Variants in MAPK6 observed in about 807,000 individuals in gnomAD.
The protein encoded by MAPK6 is mitogen-activated protein kinase 6.
Under a neutral mutation model 59.3 loss-of-function variants are expected in MAPK6, and 19 were observed. The observed-to-expected ratio is 0.32, with a 90% CI of 0.22 to 0.47. The LOEUF (loss-of-function observed/expected upper bound fraction) is 0.47. Among genes scored for constraint, MAPK6 ranks in the 20% least tolerant of loss-of-function variants. MAPK6 has a pLI of 1.00. For synonymous variants in MAPK6, 316 were observed against 290.3 expected (o/e 1.09, Z -0.90); for missense variants, 724 against 847.9 (o/e 0.85, Z 1.81).
intron 3 of MAPK6, among the ~76,000 whole-genome samples, chr15:52,054,158 A>G (rs1462822680): frequency 6.6e-6 from 1 of 151,708 alleles, no homozygotes; most frequent in Non-Finnish European, 1.5e-5. Flanking sequence ...ACCTGAGATC[A>G]GGAGTTTGAG....
rs1196985522 is a variant in MAPK6, at chr15:52,053,342, C to G, written c.700+3205C>G. ...CTGCCCGCCTTGGCCTCCCAAAGTG[C>G]AAGGATTACAGGTGGGAGCCATTGC... On this transcript the variant is annotated intron_variant, in intron 3 of 5. Transcript: ENST00000261845. 7.2e-5 allele frequency among the ~76,000 whole-genome samples: 11 copies of G among 152,084 alleles called. 1 individual carries two copies. The highest frequency in any genetic ancestry group is 7.2e-4 in the Admixed American group (11 of 15,264).
At chr15:52,025,361 C>G (rs1275328440) in intron 1 of MAPK6, among the ~76,000 whole-genome samples, 1 of 152,228 alleles carries the variant, frequency 6.6e-6, no homozygotes, top group Non-Finnish European at 1.5e-5. Flanking sequence ...AATTTGGAAG[C>G]TAATCACTGC....
chr15:52,010,438 C>G (rs757030294), intron 3 of MAPK6, among the ~76,000 whole-genome samples: 9 of 151,124 alleles, frequency 6.0e-5, no homozygotes, highest in Non-Finnish European at 1.3e-4. Context: ...TGGTCTTGAA[C>G]GCCTGACCTC....
intron 3 of MAPK6, among the ~76,000 whole-genome samples, chr15:52,051,831 G>A (rs976544569): frequency 3.3e-5 from 5 of 149,356 alleles, no homozygotes; most frequent in African/African-American, 9.9e-5. Flanking sequence ...CTGGGATCGC[G>A]CCATTGCACT....
At chr15:52,034,274 C>T (rs1472366251) in intron 1 of MAPK6, among the ~76,000 whole-genome samples, 1 of 151,810 alleles carries the variant, frequency 6.6e-6, no homozygotes, top group African/African-American at 2.4e-5. Flanking sequence ...CGTGAGCCAC[C>T]ATGCCCGGAC....
intron 1 of MAPK6, among the ~76,000 whole-genome samples, chr15:51,981,145 G>A (rs775610821): frequency 7.3e-5 from 11 of 151,560 alleles, no homozygotes; most frequent in Non-Finnish European, 1.3e-4. Flanking sequence ...GCAAATATAA[G>A]CTTGGAAAAG....
At chr15:51,986,734 G>A (rs144944592) in intron 2 of MAPK6, among the ~76,000 whole-genome samples, 9 of 152,198 alleles carry the variant, frequency 5.9e-5, no homozygotes, top group South Asian at 4.1e-4. Flanking sequence ...GTGAAAGAGC[G>A]AATTCTGTTT....
chr15:52,049,580 G>A (rs568563028), intron 2 of MAPK6, among the ~76,000 whole-genome samples: 44 of 150,524 alleles, frequency 2.9e-4, no homozygotes, highest in Non-Finnish European at 4.4e-4. Context: ...CACCTACCTC[G>A]GCCTCCCAAA....
chr15:52,037,355 A>G (rs2031276899), intron 1 of MAPK6, among the ~76,000 whole-genome samples: 1 of 152,176 alleles, frequency 6.6e-6, no homozygotes, highest in Non-Finnish European at 1.5e-5. Context: ...TTAGCTCAAA[A>G]ACAACAGCAG....
At chr15:52,062,404 A>T (rs1350943322) in intron 5 of MAPK6, among the ~76,000 whole-genome samples, 1 of 152,238 alleles carries the variant, frequency 6.6e-6, no homozygotes, top group Non-Finnish European at 1.5e-5. Flanking sequence ...AGACTTTTTT[A>T]GGTCTAAACA....
chr15:52,048,798 G>A (rs1244614498), intron 2 of MAPK6, among the ~76,000 whole-genome samples: 1 of 152,044 alleles, frequency 6.6e-6, no homozygotes, highest in Non-Finnish European at 1.5e-5. Flanking sequence ...AGGATCACTT[G>A]AGGCCAGGAG....
intron 1 of MAPK6, among the ~76,000 whole-genome samples, chr15:52,036,941 A>C (rs2031262386): frequency 1.3e-5 from 2 of 151,978 alleles, no homozygotes; most frequent in South Asian, 4.2e-4. Flanking sequence ...CAGTTTGGAG[A>C]AAATGAGAAA....
In MAPK6 at chr15:52,061,295, G is replaced by A. The variant is rs1229016845; in HGVS notation, c.866-4G>A. 6.2e-6 allele frequency: 10 copies of A among 1,612,490 alleles called. No individual in the cohort carries two copies. Among genetic ancestry groups the A allele is most frequent in the Non-Finnish European group, 5.9e-6 (7 of 1,178,742 alleles). ...CTGAAAAACTTTTACCTTTTCCTCT[G>A]CAGCACTGGATTTCCTGGAACAAAT... On this transcript the variant is annotated splice_polypyrimidine_tract_variant and splice_region_variant and intron_variant, in intron 4 of 5. Coordinates refer to ENST00000261845, the MANE Select transcript of MAPK6 (RefSeq NM_002748.4).
intron 2 of MAPK6, among the ~76,000 whole-genome samples, chr15:51,987,700 T>C (rs1406207356): frequency 6.6e-6 from 1 of 152,074 alleles, no homozygotes; most frequent in African/African-American, 2.4e-5. Flanking sequence ...TTCCTGAATT[T>C]TTACTGCTCT....
intron 1 of MAPK6, chr15:52,033,733 T>C (rs752097799): frequency 3.3e-5 from 5 of 152,180 alleles, no homozygotes; most frequent in Non-Finnish European, 5.9e-5. Context: ...ATAAAACTTA[T>C]TATTTCTGTC....
chr15:52,035,704 C>G (rs1286004423), intron 1 of MAPK6: 1 of 151,670 alleles, frequency 6.6e-6, no homozygotes, highest in East Asian at 1.9e-4. Flanking sequence ...CCTCCAGATT[C>G]TCTAATATTT....
chr15:52,055,569 G>A (rs1229899106), intron 3 of MAPK6, among the ~76,000 whole-genome samples: 3 of 152,212 alleles, frequency 2.0e-5, no homozygotes, highest in Non-Finnish European at 4.4e-5. Flanking sequence ...AGGCTGGAGT[G>A]CAGTTGCATG....
At chr15:52,025,471 A>G (rs2030733841) in intron 1 of MAPK6, among the ~76,000 whole-genome samples, 1 of 152,212 alleles carries the variant, frequency 6.6e-6, no homozygotes, top group Non-Finnish European at 1.5e-5. Context: ...CAAGTAGTGC[A>G]CTTGAGGAAT....
intron 1 of MAPK6, among the ~76,000 whole-genome samples, chr15:52,028,965 G>A (rs771550862): frequency 2.0e-5 from 3 of 152,132 alleles, no homozygotes; most frequent in Admixed American, 6.6e-5. Flanking sequence ...CACTGTTTTC[G>A]GCCTATTCAT....
Sources: allele counts gnomAD v4.1 joint callset (sites outside exome capture counted in the v4.1 genomes callset), GRCh38; gene constraint gnomAD v4.1.1; transcripts MANE v1.5; gene names NCBI Gene and HGNC (gene_info 2026-07-23, HGNC 2026-07-21).